The following SEPTIN6 variants were observed in gnomAD, a reference collection of about 807,000 sequenced individuals.
SEPTIN6 encodes septin-6.
In SEPTIN6, 8 loss-of-function variants were observed where a neutral mutation model predicts 33.6. The ratio of observed to expected loss-of-function variants is 0.24; its 90% CI spans 0.14 to 0.43. The LOEUF (loss-of-function observed/expected upper bound fraction) is 0.43. Among genes scored for constraint, SEPTIN6 ranks in the 20% least tolerant of loss-of-function variants. The pLI is 1.00. For synonymous variants in SEPTIN6, 131 were observed against 140.0 expected, an observed-to-expected ratio of 0.94 and a Z score of 0.45; for missense variants, 250 against 340.8, an observed-to-expected ratio of 0.73 and a Z score of 2.10.
intron 3 of SEPTIN6, among the ~76,000 whole-genome samples, chrX:119,657,822 T>C (rs949411859): frequency 8.9e-6 from 1 of 112,154 alleles, no homozygotes; most frequent in Non-Finnish European, 1.9e-5. Flanking sequence ...CTAAATTTAT[T>C]TATGCAAGAA....
At chrX:119,668,504 T>C (rs138943271) in intron 2 of SEPTIN6, among the ~76,000 whole-genome samples, 2,548 of 111,997 alleles carry the variant, frequency 0.023, 37 homozygotes, top group African/African-American at 0.038. Flanking sequence ...TCTAAGTTTT[T>C]TACATATATT....
chrX:119,637,859 A>G (rs2054096001), intron 6 of SEPTIN6, among the ~76,000 whole-genome samples: 1 of 112,633 alleles, frequency 8.9e-6, no homozygotes, highest in African/African-American at 3.2e-5. Context: ...ATAGAGGGAT[A>G]GCCAAGTTGC....
chrX:119,645,263 G>A (rs1296483777), intron 5 of SEPTIN6, among the ~76,000 whole-genome samples: 2 of 76,095 alleles, frequency 2.6e-5, no homozygotes, highest in Admixed American at 1.6e-4. Flanking sequence ...TTTTTGAGAC[G>A]GAGTCTCACT....
At chrX:119,665,598 G>A (rs1182107723) in intron 2 of SEPTIN6, among the ~76,000 whole-genome samples, 1 of 111,636 alleles carries the variant, frequency 9.0e-6, no homozygotes, top group Non-Finnish European at 1.9e-5. Context: ...CCAAGCCACT[G>A]TCAGGAGCCA....
chrX:119,671,478 C>T (rs1281354576), intron 2 of SEPTIN6, among the ~76,000 whole-genome samples: 6 of 107,610 alleles, frequency 5.6e-5, no homozygotes, highest in African/African-American at 2.0e-4. Flanking sequence ...TTAGTAGAGA[C>T]GGGGTTTCAC....
Position 119,630,848 on chromosome X carries a change from G to A in SEPTIN6, c.1090-1340C>T, listed in dbSNP as rs1422624391. Among the ~76,000 whole-genome samples, 3 of 108,183 alleles carry A rather than the reference G, an allele frequency of 2.8e-5. 1 individual carries two copies. Among genetic ancestry groups the A allele is most frequent in the Admixed American group, 2.0e-4 (2 of 10,116 alleles). The allele number at this position is 108,183 out of a possible 115,157, so 93.9% of individuals were successfully genotyped here. On this transcript the variant is annotated intron_variant, in intron 8 of 10. Coordinates refer to ENST00000394610, the MANE Select transcript of SEPTIN6 (RefSeq NM_145799.4). ...GCGGAGCTTTCAGTGAGCCGAGATC[G>A]CACCACTGCACTCCAGCCTGGGCAA...
intron 2 of SEPTIN6, among the ~76,000 whole-genome samples, chrX:119,673,235 TG>T (rs1324090043): frequency 9.0e-6 from 1 of 111,115 alleles, no homozygotes; most frequent in Non-Finnish European, 1.9e-5. Context: ...CCCGGTCGCA[TG>T]CCTGTAATCC....
At chrX:119,652,820 G>A in intron 4 of SEPTIN6, 34 bp downstream of exon 4, 1 of 1,161,833 alleles carries the variant, frequency 8.6e-7, no homozygotes, top group Non-Finnish European at 1.2e-6. Context: ...CAGTAAGAGT[G>A]AGCCCCCAGC....
chrX:119,621,536 G>A (rs1490763383), intron 10 of SEPTIN6, among the ~76,000 whole-genome samples: 1 of 103,253 alleles, frequency 9.7e-6, no homozygotes, highest in Admixed American at 1.1e-4. Flanking sequence ...CTGTCACCCA[G>A]GCTGGAGTGC....
At chrX:119,685,664 A>G (rs2055043864) in intron 1 of SEPTIN6, among the ~76,000 whole-genome samples, 1 of 111,188 alleles carries the variant, frequency 9.0e-6, no homozygotes, top group Non-Finnish European at 1.9e-5. Context: ...TCAAATGGAA[A>G]AGCTGACTCA....
At chrX:119,671,283 A>T (rs1270576499) in intron 2 of SEPTIN6, among the ~76,000 whole-genome samples, 1 of 105,326 alleles carries the variant, frequency 9.5e-6, no homozygotes, top group East Asian at 3.1e-4. Context: ...TCATCTCTAC[A>T]CAATAAGTTT....
intron 1 of SEPTIN6, among the ~76,000 whole-genome samples, chrX:119,677,368 T>C (rs1201645356): frequency 8.9e-6 from 1 of 111,864 alleles, no homozygotes; most frequent in African/African-American, 3.2e-5. Flanking sequence ...ACTCAAGAAA[T>C]GTGCCAAATA....
chrX:119,630,471 T>C (rs1023698176), intron 8 of SEPTIN6, among the ~76,000 whole-genome samples: 1 of 112,244 alleles, frequency 8.9e-6, no homozygotes, highest in African/African-American at 3.2e-5. Context: ...AAGGACTTTA[T>C]GACATGGAAT....
intron 4 of SEPTIN6, among the ~76,000 whole-genome samples, chrX:119,651,002 G>T (rs1207291008): frequency 9.1e-6 from 1 of 110,103 alleles, no homozygotes; most frequent in African/African-American, 3.3e-5. Context: ...AGAAGGTAAA[G>T]AAACTTGAAA....
At position 119,663,597 on chromosome X, in the gene SEPTIN6, G is replaced by C; in HGVS notation, c.226C>G (p.Gln76Glu). 1 of 1,211,009 alleles carries C rather than the reference G, an allele frequency of 8.3e-7. No homozygotes were observed. Among genetic ancestry groups the C allele is most frequent in the African/African-American group, 1.7e-5 (1 of 57,763 alleles). Residue 76 changes from glutamine (Q) to glutamate (E), a missense_variant, in exon 3 of 11, where the codon CAG becomes GAG. By Grantham distance (29) the Gln-to-Glu change is conservative. Coordinates refer to ENST00000394610, the MANE Select transcript of SEPTIN6 (RefSeq NM_145799.4). ...TTAGACTGGAGCTGGACACCCGGCT[G>C]TGTGTGGGTGGCTGGCTCCCCTTCG... ...KFEGEPATHTQPGVQLQSNTY... is the reference protein window; with the variant it reads ...KFEGEPATHTEPGVQLQSNTY...
At chrX:119,676,488 T>C (rs1025566915) in intron 1 of SEPTIN6, among the ~76,000 whole-genome samples, 2 of 104,804 alleles carry the variant, frequency 1.9e-5, no homozygotes, top group African/African-American at 7.1e-5. Flanking sequence ...AATCAATTAT[T>C]GGCTGGCGAA....
chrX:119,641,068 C>T (rs759473411), intron 5 of SEPTIN6, among the ~76,000 whole-genome samples: 7 of 112,312 alleles, frequency 6.2e-5, no homozygotes, highest in Non-Finnish European at 1.1e-4. Flanking sequence ...TAAGCAGACA[C>T]ACAGATTACC....
chrX:119,650,192 G>C (rs1308561739), intron 4 of SEPTIN6, 94 bp from the exon 5 acceptor site: 3 of 895,362 alleles, frequency 3.4e-6, no homozygotes, highest in Non-Finnish European at 4.8e-6. Context: ...AGAGGGAGCC[G>C]CTCAGCCCAG....
At chrX:119,633,513 ATTC>A in intron 7 of SEPTIN6, 21 bp from the exon 8 acceptor site, 4 of 1,178,069 alleles carry the variant, frequency 3.4e-6, no homozygotes, top group Non-Finnish European at 1.1e-6. Context: ...GGTCAGGTTA[ATTC>A]TTCTTCCTTT....
Sources: gnomAD v4.1 joint callset for allele counts (sites outside exome capture counted in the v4.1 genomes callset) on GRCh38, gnomAD v4.1.1 for gene constraint, MANE v1.5 for transcripts, NCBI Gene and HGNC (gene_info 2026-07-23, HGNC 2026-07-21) for gene names.